BNC2: variants seen among roughly 807,000 people sequenced by gnomAD.
BNC2 encodes the protein basonuclin zinc finger protein 2, also known as zinc finger protein basonuclin-2.
BNC2 carries 20 observed loss-of-function variants against 76.3 expected under a neutral mutation model. The ratio of observed to expected loss-of-function variants is 0.26; its 90% confidence interval spans 0.18 to 0.38. BNC2 has a LOEUF of 0.38. BNC2 is among the 10% of genes least tolerant of loss of function. The probability of loss-of-function intolerance (pLI) is 1.00; values close to 1 mark genes in which losing one functional copy is unlikely to be tolerated. For missense variants in BNC2, 1,382 were observed against 1,399.8 expected (o/e 0.99, Z 0.20); for synonymous variants, 582 against 514.8 (o/e 1.13, Z -1.77).
At chr9:16,862,044 T>A (rs536122318) in intron 1 of BNC2, among the ~76,000 whole-genome samples, 17 of 151,148 alleles carry the variant, frequency 1.1e-4, no homozygotes, top group Admixed American at 2.0e-4. Flanking sequence ...GTAGAGAGAC[T>A]GGAAGAATTA....
intron 3 of BNC2, among the ~76,000 whole-genome samples, chr9:16,724,206 T>C (rs1055709780): frequency 2.6e-5 from 4 of 152,064 alleles, no homozygotes; most frequent in Middle Eastern, 6.3e-3. Flanking sequence ...TATGGTTTCC[T>C]TTCTAAAAAG....
intron 1 of BNC2, among the ~76,000 whole-genome samples, chr9:16,810,417 G>C (rs951864886): frequency 1.3e-5 from 2 of 152,204 alleles, no homozygotes; most frequent in Non-Finnish European, 2.9e-5. Context: ...AGCCTAAATA[G>C]GGGCTACAGG....
intron 5 of BNC2, 49 bp downstream of exon 5, chr9:16,552,481 C>A: frequency 6.5e-7 from 1 of 1,535,126 alleles, no homozygotes; most frequent in Non-Finnish European, 9.0e-7. Context: ...CACCCTTCCC[C>A]ACCCACAGTC....
intron 4 of BNC2, chr9:16,580,222 G>T: frequency 2.5e-6 from 1 of 398,304 alleles, no homozygotes. Context: ...TCATCCCACT[G>T]CCAACTCCAA....
In BNC2 at chr9:16,410,584, A is replaced by G. The variant is rs1190688288; in HGVS notation, c.*8405T>C. On this transcript the variant is annotated 3_prime_UTR_variant, in exon 7 of 7. Coordinates refer to ENST00000380672, the MANE Select transcript of BNC2 (RefSeq NM_017637.6). ...AGATAGTCTTATCAGGTTAAGATAT[A>G]ATACTAGAACATCTCATTCACTTAA... The G allele has an allele frequency of 6.6e-6, 1 of 152,654 alleles. No homozygotes were observed. Among genetic ancestry groups the G allele is most frequent in the East Asian group, 1.9e-4 (1 of 5,190 alleles). 9.5% of individuals were successfully genotyped at this position (152,654 alleles called of 1,614,324 possible). A position where few individuals can be genotyped will look rare whatever the true frequency, so the allele number is the denominator to read the frequency against.
At chr9:16,677,466 G>A (rs527282163) in intron 3 of BNC2, among the ~76,000 whole-genome samples, 17 of 152,052 alleles carry the variant, frequency 1.1e-4, no homozygotes, top group East Asian at 3.9e-4. Context: ...CCAGCTACTC[G>A]GGAGGCTGAG....
chr9:16,604,588 G>C (rs894241592), intron 3 of BNC2, among the ~76,000 whole-genome samples: 1 of 152,124 alleles, frequency 6.6e-6, no homozygotes, highest in Non-Finnish European at 1.5e-5. Context: ...CTTGAGGCCA[G>C]GAGTTTGAGA....
rs1211706486 is a variant in BNC2, at chr9:16,793,393, T to A, written c.4-54908A>T. 1.2e-4 allele frequency among the ~76,000 whole-genome samples: 18 copies of A among 152,190 alleles called. 2 individuals carry two copies. The highest frequency in any genetic ancestry group is 1.2e-3 in the Admixed American group (18 of 15,274). ...CCCATCACACCTTTCATCAAGGTTC[T>A]GCCAGTGGTGAAAATGACATGGTTA... On this transcript the variant is annotated intron_variant, in intron 1 of 6. Transcript: ENST00000380672.
rs1822697525 is a variant in BNC2 at position 16,509,135 on chromosome 9, C to T, written c.669+43395G>A. Among the ~76,000 whole-genome samples, 2 of 152,060 alleles carry T rather than the reference C, an allele frequency of 1.3e-5. 1 individual carries two copies. The highest frequency in any genetic ancestry group is 2.9e-5 in the Non-Finnish European group (2 of 68,004). The stretch of plus-strand genomic sequence containing the variant: ...GCCACCATGTTCAGCCAATGTTTTG[C>T]ACATCTTAAACTCACCCCAAATGTC... On this transcript the variant is annotated intron_variant, in intron 5 of 6. Transcript: ENST00000380672.
chr9:16,758,754 G>T (rs528940100), intron 1 of BNC2, among the ~76,000 whole-genome samples: 2 of 152,232 alleles, frequency 1.3e-5, no homozygotes, highest in East Asian at 1.9e-4. Context: ...TCTACACTGA[G>T]AATTAATAGC....
At chr9:16,457,638 T>C (rs886068509) in intron 5 of BNC2, among the ~76,000 whole-genome samples, 2 of 152,180 alleles carry the variant, frequency 1.3e-5, no homozygotes, top group Non-Finnish European at 2.9e-5. Context: ...AGTGGTCACG[T>C]AGGCATGCTT....
At chr9:16,646,785 C>T (rs947872386) in intron 3 of BNC2, among the ~76,000 whole-genome samples, 11 of 151,926 alleles carry the variant, frequency 7.2e-5, no homozygotes, top group Admixed American at 3.9e-4. Flanking sequence ...TAAAAAAATC[C>T]TAAATTTCTA....
intron 1 of BNC2, among the ~76,000 whole-genome samples, chr9:16,740,544 G>A (rs1046262482): frequency 5.3e-5 from 8 of 152,190 alleles, no homozygotes; most frequent in Non-Finnish European, 1.0e-4. Flanking sequence ...TTGCAGAGGA[G>A]TTAAGAAGTA....
At chr9:16,793,854 GTTTT>G (rs1220978278) in intron 1 of BNC2, among the ~76,000 whole-genome samples, 3 of 85,592 alleles carry the variant, frequency 3.5e-5, no homozygotes, top group African/African-American at 9.6e-5. Flanking sequence ...GTTTTTTGTG[GTTTT>G]TGTTTTTTTG....
chr9:16,551,473 G>C (rs1818661342), intron 5 of BNC2, among the ~76,000 whole-genome samples: 1 of 152,224 alleles, frequency 6.6e-6, no homozygotes, highest in Non-Finnish European at 1.5e-5. Context: ...ACACACAGTA[G>C]CTCAGGGAAT....
intron 5 of BNC2, among the ~76,000 whole-genome samples, chr9:16,523,287 C>T (rs554508689): frequency 1.3e-4 from 20 of 151,672 alleles, no homozygotes; most frequent in African/African-American, 3.9e-4. Context: ...CTGGCTAACA[C>T]GATGAAACCC....
intron 3 of BNC2, among the ~76,000 whole-genome samples, chr9:16,619,495 T>C (rs532358653): frequency 7.2e-5 from 11 of 152,262 alleles, no homozygotes; most frequent in African/African-American, 2.4e-4. Context: ...TAAAATAATA[T>C]ATTACACACT....
chr9:16,738,514 A>T (rs773222586), intron 1 of BNC2, 29 bp from the exon 2 acceptor site: 2 of 1,612,528 alleles, frequency 1.2e-6, no homozygotes, highest in Non-Finnish European at 1.7e-6. Flanking sequence ...AGGAAATTAC[A>T]TATGCCCAGA....
chr9:16,688,463 A>C (rs1823043675), intron 3 of BNC2, among the ~76,000 whole-genome samples: 1 of 152,166 alleles, frequency 6.6e-6, no homozygotes, highest in South Asian at 2.1e-4. Context: ...GTGCCTAACC[A>C]TTATTTAATA....
Sources: allele counts gnomAD v4.1 joint callset (sites outside exome capture counted in the v4.1 genomes callset), GRCh38; gene constraint gnomAD v4.1.1; transcripts MANE v1.5; gene names NCBI Gene and HGNC (gene_info 2026-07-23, HGNC 2026-07-21).